Variants in URB1 observed in about 807,000 individuals in gnomAD.
The protein encoded by URB1 is URB1 ribosome biogenesis factor.
A neutral mutation model predicts 242.3 loss-of-function variants in URB1; 197 were observed. The ratio of observed to expected loss-of-function variants is 0.81; its 90% CI spans 0.72 to 0.91. URB1 has a LOEUF of 0.91. Among genes scored for constraint, URB1 ranks in the 40% least tolerant of loss-of-function variants. The pLI is 0.00. For missense variants in URB1, 2,721 were observed against 2,860.5 expected, an observed-to-expected ratio of 0.95 and a Z score of 1.11; for synonymous variants, 1,153 against 1,201.8, an observed-to-expected ratio of 0.96 and a Z score of 0.84.
In URB1 at chr21:32,317,083, A is replaced by G; in HGVS notation, c.6035-18T>C. Reference sequence around the variant, plus strand: ...GAGCATTTCTGTTAAATGCACAAAGAGAAGGTAATGAGACTGGGGTCCCTC... The same window carrying G: ...GAGCATTTCTGTTAAATGCACAAAGGGAAGGTAATGAGACTGGGGTCCCTC... On this transcript the variant is annotated intron_variant, in intron 37 of 38. Coordinates refer to ENST00000382751, the MANE Select transcript of URB1 (RefSeq NM_014825.3). 6.6e-7 allele frequency: 1 copy of G among 1,510,834 alleles called. No homozygotes were observed. Among genetic ancestry groups the G allele is most frequent in the Non-Finnish European group, 8.9e-7 (1 of 1,129,474 alleles). 93.6% of individuals were successfully genotyped at this position (1,510,834 alleles called of 1,614,324 possible). A position where few individuals can be genotyped will look rare whatever the true frequency, so the allele number is the denominator to read the frequency against.
intron 7 of URB1, 99 bp downstream of exon 7, chr21:32,373,548 G>A (rs573311375): frequency 2.3e-6 from 3 of 1,293,848 alleles, no homozygotes; most frequent in East Asian, 2.9e-5. Context: ...TCAAATGAGG[G>A]GACTTCAAGT....
rs1006696285 is a variant in URB1 at position 32,331,688 on chromosome 21, A to C, written c.4960+1629T>G. Reference sequence around the variant, plus strand: ...AAAAAGAATGGAAAAAGGGCTGCCTAGCAAGACAGAAAACTGTGAGCCAAG... The same window carrying C: ...AAAAAGAATGGAAAAAGGGCTGCCTCGCAAGACAGAAAACTGTGAGCCAAG... On this transcript the variant is annotated intron_variant, in intron 30 of 38. Transcript: ENST00000382751. 5.9e-5 allele frequency among the ~76,000 whole-genome samples: 9 copies of C among 152,360 alleles called. No individual in the cohort carries two copies. In the East Asian group the frequency reaches 1.7e-3, roughly 29 times the overall value.
intron 30 of URB1, among the ~76,000 whole-genome samples, chr21:32,332,704 T>C (rs1039652805): frequency 2.6e-5 from 4 of 151,872 alleles, no homozygotes; most frequent in African/African-American, 7.3e-5. Flanking sequence ...CCACAGGATG[T>C]TCAACATCAT....
At chr21:32,381,426 T>TA (rs5843552) in intron 4 of URB1, among the ~76,000 whole-genome samples, 21,237 of 136,978 alleles carry the variant, frequency 0.16, 2,104 homozygotes, top group African/African-American at 0.29. Context: ...ATATATTCAT[T>TA]AAAAAAAAAA....
chr21:32,316,652 A>T lies in URB1; in HGVS notation c.6448T>A (p.Phe2150Ile). 3 of 1,551,552 alleles carry T rather than the reference A, an allele frequency of 1.9e-6. No homozygotes were observed. The highest frequency in any genetic ancestry group is 1.7e-6 in the Non-Finnish European group (2 of 1,146,964). ...LKDSAVRSSI[F>I]RLYSRLCGAE... ...CCACAGAGCCGGCTATACAGCCTGA[A>T]TATGCTGCTCCTCACGGCACTGTCC... Residue 2150 changes from phenylalanine to isoleucine, a missense_variant, in exon 38 of 39, where the codon TTC becomes ATC. Coordinates refer to ENST00000382751, the MANE Select transcript of URB1 (RefSeq NM_014825.3).
chr21:32,370,131 T>A (rs1221042539), intron 8 of URB1, among the ~76,000 whole-genome samples: 3 of 152,062 alleles, frequency 2.0e-5, no homozygotes, highest in African/African-American at 7.2e-5. Context: ...CCCTTTCCTA[T>A]CTGCTTGACC....
chr21:32,354,236 A>C, intron 17 of URB1, 133 bp from the exon 18 acceptor site: 1 of 976,776 alleles, frequency 1.0e-6, no homozygotes, highest in Non-Finnish European at 1.5e-6. Flanking sequence ...GGAGCATTTA[A>C]CATAGTTTGA....
rs1256495392 is a variant in URB1, at chr21:32,392,965, A to T, written c.-55T>A. On this transcript the variant is annotated 5_prime_UTR_variant, in exon 1 of 39. Coordinates refer to ENST00000382751, the MANE Select transcript of URB1 (RefSeq NM_014825.3). Reference sequence around the variant, plus strand: ...GACACACCTGAGGGGACCCGGCAGGAGCACTGGCACAGACAGCAGACACGC... The same window carrying T: ...GACACACCTGAGGGGACCCGGCAGGTGCACTGGCACAGACAGCAGACACGC... 21 of 1,442,804 alleles carry T rather than the reference A, an allele frequency of 1.5e-5. No homozygotes were observed. The East Asian group carries it at 4.5e-4, about 31-fold the overall frequency. The allele number at this position is 1,442,804 out of a possible 1,614,324, so 89.4% of individuals were successfully genotyped here.
At chr21:32,375,327 T>A in intron 6 of URB1, 71 bp downstream of exon 6, 1 of 1,017,218 alleles carries the variant, frequency 9.8e-7, no homozygotes, top group African/African-American at 1.7e-5. Flanking sequence ...TACAGTCCTG[T>A]AAAACACCGG....
intron 15 of URB1, among the ~76,000 whole-genome samples, chr21:32,356,995 T>G (rs2033228306): frequency 6.6e-6 from 1 of 152,206 alleles, no homozygotes; most frequent in Non-Finnish European, 1.5e-5. Flanking sequence ...AGGTCAAACC[T>G]CTGTACCCTA....
rs2033574361 is a variant in URB1 at position 32,385,545 on chromosome 21, T to C, written c.282A>G (p.Glu94=). Residue 94 remains glutamate, a splice_region_variant and synonymous_variant, in exon 2 of 39, where the codon GAA becomes GAG. Coordinates refer to ENST00000382751, the MANE Select transcript of URB1 (RefSeq NM_014825.3). The part of the protein sequence containing the change: ...LLSGEKRPES[E]TMLIFQVFEA... ...TCAAGCCATGTAAGGAACAACTTACTTCACTTTCAGGTCGTTTCTCTCCAC... is the reference window on the plus strand; with the variant it reads ...TCAAGCCATGTAAGGAACAACTTACCTCACTTTCAGGTCGTTTCTCTCCAC... 8.4e-6 allele frequency: 13 copies of C among 1,552,024 alleles called. No homozygotes were observed. The highest frequency in any genetic ancestry group is 8.7e-6 in the Non-Finnish European group (10 of 1,147,080).
intron 1 of URB1, among the ~76,000 whole-genome samples, chr21:32,386,982 G>A (rs937498723): frequency 6.6e-6 from 1 of 152,182 alleles, no homozygotes; most frequent in Non-Finnish European, 1.5e-5. Context: ...GGCACACAGA[G>A]TGTCCGTGCT....
intron 1 of URB1, 126 bp from the exon 2 acceptor site, chr21:32,385,810 ACTATGAATG>A: frequency 8.1e-7 from 1 of 1,234,730 alleles, no homozygotes; most frequent in Non-Finnish European, 1.1e-6. Context: ...CACAGAAGCT[ACTATGAATG>A]CTATCAACTT....
At position 32,363,165 on chromosome 21, in the gene URB1, G is replaced by C; in HGVS notation, c.1500C>G (p.Ala500=). 6.4e-7 allele frequency: 1 copy of C among 1,551,594 alleles called. No individual in the cohort carries two copies. Among genetic ancestry groups the C allele is most frequent in the Non-Finnish European group, 8.7e-7 (1 of 1,146,946 alleles). Residue 500 remains alanine, a synonymous_variant, in exon 11 of 39, where the codon GCC becomes GCG. Coordinates refer to ENST00000382751, the MANE Select transcript of URB1 (RefSeq NM_014825.3). ...CCAGATCAGAGCCTACCTTGCTCAG[G>C]GCTTCTCTGAAGAGCTGCACGAATT... ...MEEFVQLFRE[A]LSKILPDLNT... is the part of the protein sequence containing the mutation.
chr21:32,345,299 A>G, intron 23 of URB1, 75 bp downstream of exon 23: 1 of 1,467,744 alleles, frequency 6.8e-7, no homozygotes. Context: ...CAGTTTTTCA[A>G]TGACTTACTC....
At position 32,337,386 on chromosome 21, in the gene URB1, CA is replaced by C; in HGVS notation, c.4621+17del. 2 of 1,546,320 alleles carry C rather than the reference CA, an allele frequency of 1.3e-6. No homozygotes were observed. The highest frequency in any genetic ancestry group is 1.4e-5 in the African/African-American group (1 of 73,090). ...ACTCCCTCCCCCTGCTCACACTACC[CA>C]GCCCTCACACCCTCACCTAGGACGC... On this transcript the variant is annotated intron_variant, in intron 27 of 38. Transcript: ENST00000382751.
chr21:32,320,146 G>C lies in URB1; in HGVS notation c.5594+385C>G, dbSNP rs78196676. Among the ~76,000 whole-genome samples, 1,283 of 152,346 alleles carry C rather than the reference G, an allele frequency of 8.4e-3. 20 individuals are homozygous for C. The highest frequency in any genetic ancestry group is 0.029 in the African/African-American group (1,191 of 41,586). On this transcript the variant is annotated intron_variant, in intron 35 of 38. Coordinates refer to ENST00000382751, the MANE Select transcript of URB1 (RefSeq NM_014825.3). ...CCGTCAGACCGGCCTTCCTGCAAGA[G>C]GGCTGCAGCTGCTAAAGCCTTAGAG...
Position 32,354,986 on chromosome 21 carries a change from T to C in URB1, c.2118A>G (p.Thr706=). Residue 706 remains threonine (T), a synonymous_variant, in exon 17 of 39, where the codon ACA becomes ACG. Coordinates refer to ENST00000382751, the MANE Select transcript of URB1 (RefSeq NM_014825.3). ...TGTATGAATAGGGATTCGCCACCAA[T>C]GTCAATAAAATCTGGGCATTAAAGA... The part of the protein sequence containing the change: ...VIQFLERILL[T]LVANPYSYTD... 3 of 1,549,886 alleles carry C rather than the reference T, an allele frequency of 1.9e-6. No homozygotes were observed. Among genetic ancestry groups the C allele is most frequent in the South Asian group, 2.4e-5 (2 of 83,922 alleles).
intron 4 of URB1, among the ~76,000 whole-genome samples, chr21:32,381,323 C>A (rs561267708): frequency 6.6e-6 from 1 of 152,052 alleles, no homozygotes; most frequent in African/African-American, 2.4e-5. Flanking sequence ...CTCTTTGGCA[C>A]AGGATTTTAA....
Sources: gnomAD v4.1 joint callset for allele counts (sites outside exome capture counted in the v4.1 genomes callset) on GRCh38, gnomAD v4.1.1 for gene constraint, MANE v1.5 for transcripts, NCBI Gene and HGNC (gene_info 2026-07-23, HGNC 2026-07-21) for gene names.